The following DTNA variants were observed in gnomAD, a reference collection of about 807,000 sequenced individuals.
DTNA encodes dystrobrevin alpha.
In DTNA, 43 loss-of-function variants were observed where a neutral mutation model predicts 100.7. That is an observed-to-expected ratio of 0.43 (90% CI 0.33 to 0.55). DTNA has a LOEUF of 0.55. DTNA is among the 20% of genes least tolerant of loss of function. DTNA has a pLI of 0.04. For missense variants in DTNA, 798 were observed against 953.9 expected, an observed-to-expected ratio of 0.84 and a Z score of 2.15; for synonymous variants, 349 against 347.9, an observed-to-expected ratio of 1.00 and a Z score of -0.04.
At chr18:34,520,627 C>G (rs889755352) in intron 1 of DTNA, among the ~76,000 whole-genome samples, 134 of 152,066 alleles carry the variant, frequency 8.8e-4, no homozygotes, top group African/African-American at 2.7e-3. Flanking sequence ...GCACTCCAGC[C>G]TGGGCAACAA....
chr18:34,576,538 A>C (rs1461566094), intron 1 of DTNA, among the ~76,000 whole-genome samples: 1 of 152,106 alleles, frequency 6.6e-6, no homozygotes, highest in African/African-American at 2.4e-5. Flanking sequence ...TGATCACTCC[A>C]ACCTCCTCCT....
intron 1 of DTNA, among the ~76,000 whole-genome samples, chr18:34,698,151 T>G (rs2080850756): frequency 6.6e-6 from 1 of 152,178 alleles, no homozygotes. Context: ...CAGAACCATT[T>G]GTCATCCCCC....
At chr18:34,628,657 T>G (rs188035164) in intron 1 of DTNA, among the ~76,000 whole-genome samples, 1 of 152,336 alleles carries the variant, frequency 6.6e-6, no homozygotes, top group East Asian at 1.9e-4. Context: ...CTTTATTTGT[T>G]GTAATTGTCA....
chr18:34,662,883 C>T (rs1488819188), intron 1 of DTNA: 2 of 152,126 alleles, frequency 1.3e-5, no homozygotes, highest in Non-Finnish European at 2.9e-5. Flanking sequence ...AAGACACTTT[C>T]ATGAGATTCT....
At chr18:34,806,381 G>C in intron 5 of DTNA, 77 bp downstream of exon 5, 1 of 1,154,792 alleles carries the variant, frequency 8.7e-7, no homozygotes. Flanking sequence ...ATTCCTCTAT[G>C]TCCCCTCCCC....
chr18:34,888,812 CA>C lies in DTNA; in HGVS notation c.*1079del, dbSNP rs1466160484. The C allele has an allele frequency of 1.0e-6, 1 of 985,752 alleles. No individual in the cohort carries two copies. The highest frequency in any genetic ancestry group is 1.1e-4 in the East Asian group (1 of 8,826). 61.1% of individuals were successfully genotyped at this position (985,752 alleles called of 1,614,324 possible). ...CCCCATCAAGTTGTTTGGAGGCCTTCAGCTTTAAATGTACAGGCTTAAAGTG... is the reference window on the plus strand; with the variant it reads ...CCCCATCAAGTTGTTTGGAGGCCTTCGCTTTAAATGTACAGGCTTAAAGTG... On this transcript the variant is annotated 3_prime_UTR_variant, in exon 23 of 23. Coordinates refer to ENST00000444659, the MANE Select transcript of DTNA (RefSeq NM_001386795.1).
intron 1 of DTNA, among the ~76,000 whole-genome samples, chr18:34,576,467 A>G (rs1022089515): frequency 3.3e-5 from 5 of 151,912 alleles, no homozygotes; most frequent in Non-Finnish European, 7.4e-5. Flanking sequence ...TTGTTTGTTT[A>G]TTTATTTATT....
chr18:34,763,833 CAGAT>C (rs1342720092), intron 2 of DTNA, among the ~76,000 whole-genome samples: 2 of 152,118 alleles, frequency 1.3e-5, no homozygotes, highest in African/African-American at 2.4e-5. Context: ...GGGTACCAGA[CAGAT>C]AAACAGTATA....
intron 1 of DTNA, among the ~76,000 whole-genome samples, chr18:34,662,128 G>A (rs116412369): frequency 9.9e-4 from 148 of 149,422 alleles, no homozygotes; most frequent in African/African-American, 3.5e-3. Flanking sequence ...GTTAAGAACC[G>A]GTTGTTGTTT....
intron 1 of DTNA, among the ~76,000 whole-genome samples, chr18:34,565,972 T>C (rs375186249): frequency 6.6e-6 from 1 of 152,290 alleles, no homozygotes; most frequent in South Asian, 2.1e-4. Flanking sequence ...GTCTTTCCCA[T>C]TGACACCAAA....
intron 1 of DTNA, among the ~76,000 whole-genome samples, chr18:34,656,529 C>A (rs946025179): frequency 6.6e-6 from 1 of 152,176 alleles, no homozygotes; most frequent in Non-Finnish European, 1.5e-5. Flanking sequence ...GGTCACGGAG[C>A]AGTCCCCAAA....
chr18:34,596,554 C>T lies in DTNA; in HGVS notation c.-2+103040C>T, dbSNP rs140219580. On this transcript the variant is annotated intron_variant, in intron 1 of 19. Coordinates refer to the DTNA transcript ENST00000283365. ...TTTTATATCTCAAATATCTTTATTA[C>T]ATCAGGTAATACATACAAATATCTT... is the stretch of plus-strand genomic sequence containing the variant. Among the ~76,000 whole-genome samples the T allele has an allele frequency of 2.4e-4, 36 of 152,256 alleles. 2 individuals carry two copies. The highest frequency in any genetic ancestry group is 2.4e-3 in the Admixed American group (36 of 15,280).
At chr18:34,702,548 G>A (rs1404154731) in intron 1 of DTNA, among the ~76,000 whole-genome samples, 1 of 152,092 alleles carries the variant, frequency 6.6e-6, no homozygotes, top group Admixed American at 6.5e-5. Context: ...TCCCCCACAG[G>A]AAGGCGTTTG....
chr18:34,844,512 A>G (rs554143717), intron 13 of DTNA, among the ~76,000 whole-genome samples: 1 of 152,240 alleles, frequency 6.6e-6, no homozygotes, highest in South Asian at 2.1e-4. Context: ...ACCAACTGCC[A>G]AAGATAGAGA....
At chr18:34,548,852 A>G (rs919684712) in intron 1 of DTNA, among the ~76,000 whole-genome samples, 7 of 152,110 alleles carry the variant, frequency 4.6e-5, no homozygotes, top group African/African-American at 1.4e-4. Context: ...GACCAATTCA[A>G]TACTTTACCC....
chr18:34,568,639 T>C (rs2047297938), intron 1 of DTNA, among the ~76,000 whole-genome samples: 1 of 152,084 alleles, frequency 6.6e-6, no homozygotes, highest in South Asian at 2.1e-4. Flanking sequence ...ATTTAATTTT[T>C]TTGAGGCAGA....
chr18:34,523,581 C>T (rs1320032875), intron 1 of DTNA, among the ~76,000 whole-genome samples: 1 of 152,124 alleles, frequency 6.6e-6, no homozygotes, highest in African/African-American at 2.4e-5. Context: ...TAATATTTCA[C>T]ATTTATATTT....
At chr18:34,524,638 CA>C (rs1296585030) in intron 1 of DTNA, among the ~76,000 whole-genome samples, 2 of 152,052 alleles carry the variant, frequency 1.3e-5, no homozygotes, top group Non-Finnish European at 2.9e-5. Flanking sequence ...TTGGACAGAG[CA>C]AAATTATTTT....
chr18:34,712,595 A>G (rs976457176), intron 1 of DTNA, among the ~76,000 whole-genome samples: 2 of 152,136 alleles, frequency 1.3e-5, no homozygotes, highest in African/African-American at 4.8e-5. Context: ...AGATTCTTTT[A>G]TAGTTGTTTT....
Sources: gnomAD v4.1 joint callset for allele counts (sites outside exome capture counted in the v4.1 genomes callset) on GRCh38, gnomAD v4.1.1 for gene constraint, MANE v1.5 for transcripts, NCBI Gene and HGNC (gene_info 2026-07-23, HGNC 2026-07-21) for gene names.